SPECC1: variants seen among roughly 807,000 people sequenced by gnomAD.
The protein encoded by SPECC1 is sperm antigen with calponin homology and coiled-coil domains 1.
Under a neutral mutation model 104.1 loss-of-function variants are expected in SPECC1, and 62 were observed. The observed-to-expected ratio is 0.60, with a 90% CI of 0.49 to 0.74. The LOEUF (loss-of-function observed/expected upper bound fraction) is 0.74. Ranked by LOEUF, SPECC1 falls within the 30% of genes least tolerant of loss-of-function variation. The probability of loss-of-function intolerance (pLI) is 0.00; values close to 1 mark genes in which losing one functional copy is unlikely to be tolerated. For synonymous variants in SPECC1, 513 were observed against 501.6 expected, an observed-to-expected ratio of 1.02 and a Z score of -0.30; for missense variants, 1,306 against 1,310.5, an observed-to-expected ratio of 1.00 and a Z score of 0.05.
At chr17:20,139,832 G>A (rs899504566) in intron 3 of SPECC1, among the ~76,000 whole-genome samples, 1 of 152,018 alleles carries the variant, frequency 6.6e-6, no homozygotes, top group Non-Finnish European at 1.5e-5. Context: ...CCATCACCAC[G>A]CCTGGCTAAT....
rs2042053668 is a variant in SPECC1, at chr17:20,317,279, T to TTTTTTTTTTTTTTTC, written c.*3215_*3216insTTTTTTTTTTTTTCT. 6.1e-6 allele frequency: 1 copy of TTTTTTTTTTTTTTTC among 162,938 alleles called. No individual in the cohort carries two copies. Among genetic ancestry groups the TTTTTTTTTTTTTTTC allele is most frequent in the Non-Finnish European group, 1.3e-5 (1 of 77,582 alleles). The allele number at this position is 162,938 out of a possible 1,614,324, so 10.1% of individuals were successfully genotyped here. A position where few individuals can be genotyped will look rare whatever the true frequency, so the allele number is the denominator to read the frequency against. ...AAAAAATTTTTTTTTTTTTTTTTTT[T>TTTTTTTTTTTTTTTC]TGAGAGAGCGTCTCACTTCTCTGTC... On this transcript the variant is annotated 3_prime_UTR_variant, in exon 15 of 15. Coordinates refer to ENST00000395527, the MANE Select transcript of SPECC1 (RefSeq NM_001243439.2).
chr17:20,028,387 C>T (rs1422670023), intron 1 of SPECC1, among the ~76,000 whole-genome samples: 1 of 151,674 alleles, frequency 6.6e-6, no homozygotes, highest in Non-Finnish European at 1.5e-5. Flanking sequence ...GTTATCCCAG[C>T]ACTTTGGGAG....
At chr17:20,087,730 C>G (rs1218701585) in intron 1 of SPECC1, among the ~76,000 whole-genome samples, 1 of 152,204 alleles carries the variant, frequency 6.6e-6, no homozygotes, top group African/African-American at 2.4e-5. Flanking sequence ...GCCCTGCTAT[C>G]ACGGACCTTC....
intron 3 of SPECC1, among the ~76,000 whole-genome samples, chr17:20,152,621 A>AAG (rs527387843): frequency 1.3e-3 from 198 of 152,240 alleles, no homozygotes; most frequent in Non-Finnish European, 2.2e-3. Flanking sequence ...ACATAACAGA[A>AAG]AGAGAGAGAG....
At chr17:20,294,670 T>C (rs80014635) in intron 12 of SPECC1, among the ~76,000 whole-genome samples, 1 of 58,370 alleles carries the variant, frequency 1.7e-5, no homozygotes, top group African/African-American at 4.5e-5. Context: ...GTACTGATGA[T>C]GGTGGTGGGG....
At chr17:20,297,973 T>C (rs867658571) in intron 13 of SPECC1, among the ~76,000 whole-genome samples, 2 of 152,210 alleles carry the variant, frequency 1.3e-5, no homozygotes, top group African/African-American at 4.8e-5. Flanking sequence ...ATAAGTGGTC[T>C]AAGAGCCCAG....
intron 4 of SPECC1, among the ~76,000 whole-genome samples, chr17:20,226,131 A>T (rs778756888): frequency 2.0e-5 from 3 of 152,222 alleles, no homozygotes; most frequent in Non-Finnish European, 4.4e-5. Context: ...CCTGGTAAAT[A>T]TACAGCTATT....
At chr17:20,032,936 G>A (rs970828176) in intron 1 of SPECC1, among the ~76,000 whole-genome samples, 14 of 147,726 alleles carry the variant, frequency 9.5e-5, no homozygotes, top group South Asian at 2.2e-4. Flanking sequence ...ACACACGCGC[G>A]CACACACACA....
intron 13 of SPECC1, among the ~76,000 whole-genome samples, chr17:20,304,117 CAAAAA>C (rs774130653): frequency 1.0e-4 from 4 of 39,336 alleles, no homozygotes; most frequent in East Asian, 9.3e-4. Context: ...ACTAAAAATA[CAAAAA>C]AAAAAAAAAA....
intron 2 of SPECC1, among the ~76,000 whole-genome samples, chr17:20,108,248 C>A (rs12941200): frequency 0.24 from 35,982 of 151,234 alleles, 5,495 homozygotes; most frequent in Middle Eastern, 0.34. Context: ...AAAAAAAAAC[C>A]CAGAAGGCTA....
intron 1 of SPECC1, among the ~76,000 whole-genome samples, chr17:20,081,456 G>A (rs2046970755): frequency 6.6e-6 from 1 of 152,106 alleles, no homozygotes. Flanking sequence ...CTGGGGAGCG[G>A]GGATGTGGGG....
intron 1 of SPECC1, among the ~76,000 whole-genome samples, chr17:20,061,554 A>G (rs192751099): frequency 6.6e-6 from 1 of 152,072 alleles, no homozygotes; most frequent in East Asian, 1.9e-4. Flanking sequence ...ACCTTTGGGA[A>G]CCTTGAACCT....
intron 3 of SPECC1, among the ~76,000 whole-genome samples, chr17:20,195,895 C>G (rs1597941838): frequency 6.6e-6 from 1 of 152,158 alleles, no homozygotes; most frequent in Non-Finnish European, 1.5e-5. Context: ...GGTTTTTGCT[C>G]TAAGAAACCA....
chr17:20,198,383 C>T (rs2036180839), intron 3 of SPECC1, among the ~76,000 whole-genome samples: 1 of 152,188 alleles, frequency 6.6e-6, no homozygotes, highest in South Asian at 2.1e-4. Flanking sequence ...GAGAAAGACC[C>T]ACCCATTGCA....
At chr17:20,153,064 A>G (rs1344454455) in intron 3 of SPECC1, among the ~76,000 whole-genome samples, 1 of 152,154 alleles carries the variant, frequency 6.6e-6, no homozygotes, top group Non-Finnish European at 1.5e-5. Context: ...GTCTCCAAAT[A>G]CTATCACATT....
intron 1 of SPECC1, among the ~76,000 whole-genome samples, chr17:20,066,076 A>G (rs1002938689): frequency 2.6e-5 from 4 of 152,090 alleles, no homozygotes; most frequent in Admixed American, 6.5e-5. Context: ...ATCCATACCC[A>G]TTTTCTGATA....
At chr17:20,170,460 A>G (rs1567898991) in intron 3 of SPECC1, among the ~76,000 whole-genome samples, 2 of 152,160 alleles carry the variant, frequency 1.3e-5, no homozygotes, top group African/African-American at 2.4e-5. Context: ...GCTTGTCCAT[A>G]AGAGTTTTTC....
chr17:20,258,952 C>T (rs1175739384), intron 11 of SPECC1, among the ~76,000 whole-genome samples: 1 of 152,216 alleles, frequency 6.6e-6, no homozygotes, highest in Non-Finnish European at 1.5e-5. Context: ...GTTCAACTTA[C>T]ATTTTGGTAT....
chr17:20,269,460 T>G (rs997721589), intron 12 of SPECC1, among the ~76,000 whole-genome samples: 1 of 152,186 alleles, frequency 6.6e-6, no homozygotes, highest in African/African-American at 2.4e-5. Flanking sequence ...GGTTTCAGTC[T>G]TGTTGCCCAG....
Sources: allele counts gnomAD v4.1 joint callset (sites outside exome capture counted in the v4.1 genomes callset), GRCh38; gene constraint gnomAD v4.1.1; transcripts MANE v1.5; gene names NCBI Gene and HGNC (gene_info 2026-07-23, HGNC 2026-07-21).